Variants in RHOBTB1 observed in about 807,000 individuals in gnomAD.
RHOBTB1 encodes Rho related BTB domain containing 1.
A neutral mutation model predicts 71.6 loss-of-function variants in RHOBTB1; 40 were observed. That is an observed-to-expected ratio of 0.56 (90% CI 0.43 to 0.73). The LOEUF (loss-of-function observed/expected upper bound fraction) is 0.73, where lower values mean the gene tolerates loss of function less well. RHOBTB1 is among the 30% of genes least tolerant of loss of function. RHOBTB1 has a pLI of 0.00. For missense variants in RHOBTB1, 797 were observed against 894.0 expected, an observed-to-expected ratio of 0.89 and a Z score of 1.38; for synonymous variants, 319 against 334.9, an observed-to-expected ratio of 0.95 and a Z score of 0.52.
At chr10:60,986,807 G>C (rs1028860369) in intron 1 of RHOBTB1, among the ~76,000 whole-genome samples, 1 of 152,106 alleles carries the variant, frequency 6.6e-6, no homozygotes, top group African/African-American at 2.4e-5. Flanking sequence ...CCTGAAGCTT[G>C]AATCAGGAAA....
intron 4 of RHOBTB1, among the ~76,000 whole-genome samples, chr10:60,905,179 G>A (rs1230173703): frequency 1.3e-5 from 2 of 151,462 alleles, no homozygotes; most frequent in Non-Finnish European, 2.9e-5. Flanking sequence ...GGCTGGGCAT[G>A]GTAGCTCATG....
intron 2 of RHOBTB1, among the ~76,000 whole-genome samples, chr10:60,970,878 C>T (rs959736872): frequency 6.6e-6 from 1 of 151,992 alleles, no homozygotes; most frequent in Admixed American, 6.6e-5. Context: ...CTAAACAACT[C>T]CTTGTAAAAA....
At chr10:60,995,854 A>T (rs1042844059) in intron 1 of RHOBTB1, among the ~76,000 whole-genome samples, 1 of 152,180 alleles carries the variant, frequency 6.6e-6, no homozygotes, top group Non-Finnish European at 1.5e-5. Flanking sequence ...GATAAAAAAA[A>T]AAATCAGGTT....
At chr10:60,999,264 G>T (rs2087170249) in intron 1 of RHOBTB1, among the ~76,000 whole-genome samples, 1 of 151,970 alleles carries the variant, frequency 6.6e-6, no homozygotes, top group South Asian at 2.1e-4. Flanking sequence ...GAAAAGAAAA[G>T]TCCACTAAAA....
intron 2 of RHOBTB1, chr10:60,912,626 G>A (rs1298537130): frequency 2.6e-5 from 4 of 152,148 alleles, no homozygotes; most frequent in Non-Finnish European, 5.9e-5. Flanking sequence ...ATATGGCAAA[G>A]AATAATTTTA....
chr10:60,875,904 C>A (rs1301673872), intron 8 of RHOBTB1, among the ~76,000 whole-genome samples: 1 of 152,214 alleles, frequency 6.6e-6, no homozygotes, highest in African/African-American at 2.4e-5. Flanking sequence ...AGCCTTGGCT[C>A]AGCATTTCTA....
intron 8 of RHOBTB1, among the ~76,000 whole-genome samples, chr10:60,877,373 G>T (rs1240240622): frequency 6.6e-6 from 1 of 152,142 alleles, no homozygotes; most frequent in Admixed American, 6.5e-5. Flanking sequence ...CTCCATAACA[G>T]CTCTATGGCT....
At chr10:60,875,521 CCTAGAGTCCT>C (rs2081010517) in intron 8 of RHOBTB1, among the ~76,000 whole-genome samples, 1 of 152,196 alleles carries the variant, frequency 6.6e-6, no homozygotes. Flanking sequence ...CTAGCACCTT[CCTAGAGTCCT>C]CTAGACTTTA....
At chr10:60,966,127 T>C (rs763441931) in intron 2 of RHOBTB1, among the ~76,000 whole-genome samples, 5 of 152,116 alleles carry the variant, frequency 3.3e-5, no homozygotes, top group African/African-American at 9.7e-5. Context: ...TTGAAAGGAA[T>C]AATGTCTTGA....
intron 1 of RHOBTB1, among the ~76,000 whole-genome samples, chr10:60,994,670 A>G (rs1410897967): frequency 2.0e-5 from 3 of 152,182 alleles, no homozygotes; most frequent in Non-Finnish European, 2.9e-5. Context: ...AAATTCATTC[A>G]ATAAATATTT....
chr10:60,960,168 T>G (rs1410973566), intron 2 of RHOBTB1, among the ~76,000 whole-genome samples: 1 of 152,196 alleles, frequency 6.6e-6, no homozygotes, highest in East Asian at 1.9e-4. Context: ...TGATTTAATC[T>G]TGGTAATGTA....
chr10:60,991,243 A>G (rs2086853328), intron 1 of RHOBTB1, among the ~76,000 whole-genome samples: 1 of 151,812 alleles, frequency 6.6e-6, no homozygotes. Flanking sequence ...TAACTACAGC[A>G]CTCCCCACAC....
intron 5 of RHOBTB1, among the ~76,000 whole-genome samples, chr10:60,890,144 C>A (rs891796439): frequency 1.6e-4 from 25 of 152,172 alleles, no homozygotes; most frequent in African/African-American, 6.0e-4. Context: ...GACTTTCCCA[C>A]TTCTAGTTAA....
intron 2 of RHOBTB1, among the ~76,000 whole-genome samples, chr10:60,953,292 C>T (rs150830693): frequency 4.3e-4 from 66 of 152,288 alleles, no homozygotes; most frequent in African/African-American, 1.5e-3. Flanking sequence ...GCTATACATA[C>T]AAGACCCCAT....
chr10:60,961,679 T>A (rs545882286), intron 2 of RHOBTB1, among the ~76,000 whole-genome samples: 20 of 152,258 alleles, frequency 1.3e-4, no homozygotes, highest in African/African-American at 4.8e-4. Context: ...AGGATTAGCA[T>A]GAAGTTCAAA....
chr10:60,989,973 A>C (rs10994596), intron 1 of RHOBTB1, among the ~76,000 whole-genome samples: 80,141 of 147,012 alleles, frequency 0.55, 22,004 homozygotes, highest in East Asian at 0.77. Flanking sequence ...GAACCTCAGA[A>C]TGTCCTTTTT....
intron 2 of RHOBTB1, among the ~76,000 whole-genome samples, chr10:60,954,051 T>A (rs112931897): frequency 0.017 from 2,608 of 152,306 alleles, 81 homozygotes; most frequent in African/African-American, 0.059. Flanking sequence ...CTACCTTTTT[T>A]AAAAGTGTAT....
At chr10:60,962,956 C>A (rs1412049936) in intron 2 of RHOBTB1, among the ~76,000 whole-genome samples, 1 of 152,076 alleles carries the variant, frequency 6.6e-6, no homozygotes, top group East Asian at 1.9e-4. Context: ...ATAAATAATC[C>A]CCAGCCATGT....
intron 1 of RHOBTB1, among the ~76,000 whole-genome samples, chr10:60,988,937 C>T (rs919067868): frequency 6.6e-6 from 1 of 152,194 alleles, no homozygotes; most frequent in African/African-American, 2.4e-5. Flanking sequence ...ATACACCCAG[C>T]AGTGCCTTTG....
Sources: allele counts gnomAD v4.1 joint callset (sites outside exome capture counted in the v4.1 genomes callset), GRCh38; gene constraint gnomAD v4.1.1; transcripts MANE v1.5; gene names NCBI Gene and HGNC (gene_info 2026-07-23, HGNC 2026-07-21).